The following COL6A5 variants were observed in gnomAD, a reference collection of about 807,000 sequenced individuals.
COL6A5 encodes the protein collagen type VI alpha 5 chain.
In COL6A5, 48 loss-of-function variants were observed where a neutral mutation model predicts 65.6. That is an observed-to-expected ratio of 0.73 (90% CI 0.58 to 0.93). COL6A5 has a LOEUF of 0.93. Among genes scored for constraint, COL6A5 ranks in the 40% least tolerant of loss-of-function variants. The pLI, the probability that COL6A5 is intolerant of heterozygous loss-of-function variation, is 0.00. For synonymous variants in COL6A5, 291 were observed against 322.8 expected, an observed-to-expected ratio of 0.90 and a Z score of 1.05; for missense variants, 914 against 928.3, an observed-to-expected ratio of 0.98 and a Z score of 0.20.
chr3:130,471,992 A>G (rs1341114230), intron 7 of COL6A5, 66 bp downstream of exon 40: 1 of 1,413,886 alleles, frequency 7.1e-7, no homozygotes, highest in Non-Finnish European at 9.5e-7. Flanking sequence ...CCCTGGTGGA[A>G]GATGAGCAGT....
rs1168790889 is a variant in COL6A5, at chr3:130,405,722, A to G, written c.4353+63A>G. 3.9e-6 allele frequency: 5 copies of G among 1,293,922 alleles called. No homozygotes were observed. The African/African-American group carries it at 7.3e-5, about 19-fold the overall frequency. The allele number at this position is 1,293,922 out of a possible 1,614,324, so 80.2% of individuals were successfully genotyped here. ...TAACATTCTCTCCCTCTCTTTCCCC[A>G]TTCCTTTCCTCCCTCATTTTCTCTC... On this transcript the variant is annotated intron_variant and NMD_transcript_variant, in intron 14 of 41. Transcript: ENST00000312481.
intron 7 of COL6A5, 40 bp downstream of exon 7, chr3:130,391,794 A>G: frequency 7.0e-7 from 1 of 1,433,442 alleles, no homozygotes; most frequent in Non-Finnish European, 9.4e-7. Context: ...GGGTAGCAAT[A>G]AAAGTTTAAA....
chr3:130,350,230 A>G lies in COL6A5; in HGVS notation c.-29+4249A>G, dbSNP rs1414348973. On this transcript the variant is annotated intron_variant and NMD_transcript_variant, in intron 1 of 41. Coordinates refer to the COL6A5 transcript ENST00000312481. Reference sequence around the variant, plus strand: ...GAATCTGCTACGTGGATGCAGGACAAGAATGGTTCTTTGCGGCACAAGACA... The same window carrying G: ...GAATCTGCTACGTGGATGCAGGACAGGAATGGTTCTTTGCGGCACAAGACA... 2.0e-5 allele frequency among the ~76,000 whole-genome samples: 3 copies of G among 152,260 alleles called. No individual in the cohort carries two copies. In the East Asian group the frequency reaches 5.8e-4, roughly 29 times the overall value.
At chr3:130,407,853 C>T (rs368752699) in intron 17 of COL6A5, among the ~76,000 whole-genome samples, 200 of 152,204 alleles carry the variant, frequency 1.3e-3, no homozygotes, top group Middle Eastern at 3.4e-3. Flanking sequence ...TCAGGGAACC[C>T]GAACAGAGGC....
chr3:130,446,454 G>A (rs1046901141), intron 4 of COL6A5, among the ~76,000 whole-genome samples: 2 of 152,114 alleles, frequency 1.3e-5, no homozygotes, highest in African/African-American at 4.8e-5. Context: ...AGAACAGAGG[G>A]ATGTTATTTT....
intron 2 of COL6A5, among the ~76,000 whole-genome samples, chr3:130,374,786 A>G (rs1935704490): frequency 6.6e-6 from 1 of 152,068 alleles, no homozygotes. Context: ...CCACTGTCAT[A>G]TATGCAGTCT....
exon 9 of COL6A5, chr3:130,397,817 T>A: frequency 6.4e-7 from 1 of 1,551,678 alleles, no homozygotes; most frequent in Non-Finnish European, 8.7e-7. Context: ...AAAGCAGTGT[T>A]TGACAGCTTG....
At chr3:130,443,454 T>G (rs1224364785) in intron 3 of COL6A5, 22 bp from the exon 36 acceptor site, 25 of 1,537,992 alleles carry the variant, frequency 1.6e-5, no homozygotes, top group Non-Finnish European at 1.7e-5. Flanking sequence ...AAAATCTAAC[T>G]ATAACTTTGT....
In COL6A5 at chr3:130,366,159, T is replaced by C. The variant is rs184210402; in HGVS notation, c.-28-7452T>C. On this transcript the variant is annotated intron_variant and NMD_transcript_variant, in intron 1 of 41. Coordinates refer to the COL6A5 transcript ENST00000312481. Reference sequence around the variant, plus strand: ...TGTGGATATAATAGGCCTTATGAAGTTGTGGCAAATAGAAGGATTAGTAAC... The same window carrying C: ...TGTGGATATAATAGGCCTTATGAAGCTGTGGCAAATAGAAGGATTAGTAAC... Among the ~76,000 whole-genome samples the C allele has an allele frequency of 5.3e-4, 81 of 152,238 alleles. 3 individuals are homozygous for C. Among genetic ancestry groups the C allele is most frequent in the Admixed American group, 5.2e-3 (79 of 15,284 alleles).
chr3:130,416,786 G>A (rs1937356696), exon 24 of COL6A5: 1 of 1,535,258 alleles, frequency 6.5e-7, no homozygotes, highest in Non-Finnish European at 8.8e-7. Context: ...GAGCTAAAGG[G>A]AGCACTGGAA....
chr3:130,349,286 A>C (rs1934616547), intron 1 of COL6A5, among the ~76,000 whole-genome samples: 1 of 152,234 alleles, frequency 6.6e-6, no homozygotes, highest in Non-Finnish European at 1.5e-5. Context: ...GAGTTTCAGA[A>C]AGGCACCGTA....
intron 6 of COL6A5, 67 bp downstream of exon 38, chr3:130,469,548 C>T: frequency 1.6e-6 from 2 of 1,256,178 alleles, no homozygotes; most frequent in South Asian, 1.5e-5. Context: ...AGTCCATCAG[C>T]AGACTTAGTA....
chr3:130,399,269 T>C (rs113594327), intron 10 of COL6A5, among the ~76,000 whole-genome samples: 1 of 152,256 alleles, frequency 6.6e-6, no homozygotes, highest in Non-Finnish European at 1.5e-5. Flanking sequence ...CTTCAATACC[T>C]TCTCATTGTT....
At chr3:130,479,810 A>T (rs1710191752) in intron 7 of COL6A5, among the ~76,000 whole-genome samples, 1 of 152,148 alleles carries the variant, frequency 6.6e-6, no homozygotes, top group Non-Finnish European at 1.5e-5. Flanking sequence ...AACTTTTCCA[A>T]ACATTTTAGT....
At chr3:130,483,086 A>G (rs2107630260) in intron 7 of COL6A5, among the ~76,000 whole-genome samples, 1 of 152,326 alleles carries the variant, frequency 6.6e-6, no homozygotes, top group Non-Finnish European at 1.5e-5. Context: ...ATTGTTAAAG[A>G]AAAGAATTTT....
At chr3:130,457,216 AG>A (rs1469492091) in intron 5 of COL6A5, among the ~76,000 whole-genome samples, 2 of 152,118 alleles carry the variant, frequency 1.3e-5, no homozygotes, top group Admixed American at 1.3e-4. Context: ...TGGTTTAAAA[AG>A]GGGAAAAAAG....
intron 7 of COL6A5, among the ~76,000 whole-genome samples, chr3:130,482,471 G>A (rs1710275974): frequency 6.6e-6 from 1 of 152,138 alleles, no homozygotes; most frequent in Non-Finnish European, 1.5e-5. Flanking sequence ...TTTGAAGTCA[G>A]GCAGCATGAT....
intron 4 of COL6A5, among the ~76,000 whole-genome samples, chr3:130,451,261 T>C (rs951514288): frequency 2.0e-5 from 3 of 152,222 alleles, no homozygotes; most frequent in African/African-American, 7.2e-5. Flanking sequence ...CACTGAAGTT[T>C]GAAGAGTAGG....
chr3:130,484,673 A>AT (rs1400627061), exon 8 of COL6A5: 2 of 387,208 alleles, frequency 5.2e-6, no homozygotes, highest in Admixed American at 9.7e-5. Context: ...TATGAACCAT[A>AT]TTTTTTGCTG....
Sources: allele counts gnomAD v4.1 joint callset (sites outside exome capture counted in the v4.1 genomes callset), GRCh38; gene constraint gnomAD v4.1.1; transcripts MANE v1.5; gene names NCBI Gene and HGNC (gene_info 2026-07-23, HGNC 2026-07-21).